Variants in FAM135A observed in about 807,000 individuals in gnomAD.
FAM135A encodes protein FAM135A.
Under a neutral mutation model 146.8 loss-of-function variants are expected in FAM135A, and 79 were observed. The ratio of observed to expected loss-of-function variants is 0.54; its 90% confidence interval spans 0.45 to 0.65. The LOEUF is 0.65. Ranked by LOEUF, FAM135A falls within the 30% of genes least tolerant of loss-of-function variation. FAM135A has a pLI of 0.00. For synonymous variants in FAM135A, 562 were observed against 603.6 expected (o/e 0.93, Z 1.01); for missense variants, 1,623 against 1,758.2 (o/e 0.92, Z 1.38).
At chr6:70,458,117 G>T (rs1192311473) in intron 5 of FAM135A, among the ~76,000 whole-genome samples, 2 of 139,786 alleles carry the variant, frequency 1.4e-5, no homozygotes, top group African/African-American at 3.0e-5. Context: ...TCTCACATAT[G>T]TGAAAATATT....
Position 70,549,712 on chromosome 6 carries a change from G to A in FAM135A, c.4229-7038G>A, listed in dbSNP as rs536840130. On this transcript the variant is annotated intron_variant, in intron 20 of 21. Transcript: ENST00000418814. ...TAATCATAATGTTTTTGCCAATCAGGGTGGTGGTTGCTGAAGATAGAGGTG... is the reference window on the plus strand; with the variant it reads ...TAATCATAATGTTTTTGCCAATCAGAGTGGTGGTTGCTGAAGATAGAGGTG... 1.4e-4 allele frequency among the ~76,000 whole-genome samples: 22 copies of A among 152,196 alleles called. No homozygotes were observed. In the South Asian group the frequency reaches 4.6e-3, roughly 32 times the overall value.
At chr6:70,490,482 T>A (rs1378491141) in intron 10 of FAM135A, among the ~76,000 whole-genome samples, 1 of 152,114 alleles carries the variant, frequency 6.6e-6, no homozygotes, top group East Asian at 1.9e-4. Flanking sequence ...TATGCAAATA[T>A]CTGCCTCAGT....
At chr6:70,453,987 C>G (rs1390024751) in intron 5 of FAM135A, among the ~76,000 whole-genome samples, 2 of 152,234 alleles carry the variant, frequency 1.3e-5, no homozygotes, top group Admixed American at 1.3e-4. Flanking sequence ...GGAATCACCA[C>G]AGTGTCTTCC....
intron 11 of FAM135A, among the ~76,000 whole-genome samples, chr6:70,496,099 C>T (rs906554698): frequency 2.0e-5 from 3 of 152,044 alleles, no homozygotes; most frequent in Non-Finnish European, 2.9e-5. Context: ...AATAAACATA[C>T]GTGTGCATGT....
At chr6:70,544,258 A>T (rs1455708375) in intron 20 of FAM135A, among the ~76,000 whole-genome samples, 1 of 152,016 alleles carries the variant, frequency 6.6e-6, no homozygotes, top group Non-Finnish European at 1.5e-5. Flanking sequence ...CAGCCTGGAC[A>T]CTGGGCATGG....
chr6:70,518,496 A>G (rs886423529), intron 12 of FAM135A, among the ~76,000 whole-genome samples: 3 of 152,212 alleles, frequency 2.0e-5, no homozygotes, highest in Non-Finnish European at 4.4e-5. Context: ...CAGGTTTTCA[A>G]TGGAGATAAA....
At position 70,482,167 on chromosome 6, in the gene FAM135A, T is replaced by C. The variant is rs531433480; in HGVS notation, c.823+13T>C. ...AAACTAGAACTGGGTATGTTAAAAG[T>C]AGCGAGACTTATTCTACAGTTCAAA... On this transcript the variant is annotated intron_variant, in intron 10 of 21. Coordinates refer to ENST00000418814, the MANE Select transcript of FAM135A (RefSeq NM_001162529.3). The C allele has an allele frequency of 1.0e-4, 165 of 1,612,178 alleles. 5 individuals carry two copies. In the South Asian group the frequency reaches 1.7e-3, roughly 16 times the overall value.
intron 12 of FAM135A, chr6:70,503,559 ACT>A: frequency 6.6e-6 from 1 of 152,254 alleles, no homozygotes; most frequent in Admixed American, 6.5e-5. Context: ...GAAGTAGAAC[ACT>A]CTCAATGCTA....
At chr6:70,440,796 T>C (rs975956974) in intron 4 of FAM135A, among the ~76,000 whole-genome samples, 1 of 152,090 alleles carries the variant, frequency 6.6e-6, no homozygotes. Flanking sequence ...GATCCTGAAA[T>C]AATGAAACAA....
chr6:70,558,411 A>C (rs2128517744), intron 21 of FAM135A, among the ~76,000 whole-genome samples: 1 of 152,330 alleles, frequency 6.6e-6, no homozygotes, highest in Non-Finnish European at 1.5e-5. Flanking sequence ...AGCATTGTAA[A>C]CAATGTTTTG....
chr6:70,542,717 C>G (rs1798164305), intron 20 of FAM135A, among the ~76,000 whole-genome samples: 1 of 152,130 alleles, frequency 6.6e-6, no homozygotes, highest in Non-Finnish European at 1.5e-5. Flanking sequence ...TAATGAATTT[C>G]AATCCTCATT....
intron 4 of FAM135A, among the ~76,000 whole-genome samples, chr6:70,446,487 C>T (rs1473695853): frequency 6.6e-6 from 1 of 152,220 alleles, no homozygotes; most frequent in Non-Finnish European, 1.5e-5. Flanking sequence ...AATCATTGTG[C>T]AGCACCTCTG....
chr6:70,516,363 T>A (rs1372917514), intron 12 of FAM135A, among the ~76,000 whole-genome samples: 1 of 152,070 alleles, frequency 6.6e-6, no homozygotes, highest in African/African-American at 2.4e-5. Context: ...CATCTGCCTG[T>A]AGAAGGAGCA....
intron 11 of FAM135A, among the ~76,000 whole-genome samples, 181 bp from the exon 12 acceptor site, chr6:70,502,455 G>A (rs1052178210): frequency 6.6e-6 from 1 of 151,228 alleles, no homozygotes; most frequent in Non-Finnish European, 1.5e-5. Flanking sequence ...TAACTATCAG[G>A]TAAGTAAAAA....
At chr6:70,467,689 C>T (rs946742867) in intron 5 of FAM135A, among the ~76,000 whole-genome samples, 1 of 151,702 alleles carries the variant, frequency 6.6e-6, no homozygotes, top group South Asian at 2.1e-4. Flanking sequence ...CTCTTATTCT[C>T]TCTCCCACTC....
chr6:70,535,762 A>T (rs76226752), intron 18 of FAM135A: 4,313 of 152,400 alleles, frequency 0.028, 148 homozygotes, highest in African/African-American at 0.08. Flanking sequence ...AAATGCATAT[A>T]TTTTACCTAT....
At chr6:70,428,019 T>G (rs918094031) in intron 3 of FAM135A, among the ~76,000 whole-genome samples, 1 of 152,206 alleles carries the variant, frequency 6.6e-6, no homozygotes, top group African/African-American at 2.4e-5. Flanking sequence ...TGAGTTTCTT[T>G]TAGCAATATG....
chr6:70,544,712 G>A (rs1272675527), intron 20 of FAM135A, among the ~76,000 whole-genome samples: 4 of 151,908 alleles, frequency 2.6e-5, no homozygotes, highest in East Asian at 1.9e-4. Context: ...CTACACTCCA[G>A]CGGGGGATAG....
intron 5 of FAM135A, among the ~76,000 whole-genome samples, chr6:70,459,961 G>T (rs537600456): frequency 9.1e-4 from 139 of 152,314 alleles, no homozygotes; most frequent in Non-Finnish European, 1.6e-3. Context: ...AACCTGGGAG[G>T]TGGAGGTTGC....
Sources: allele counts gnomAD v4.1 joint callset (sites outside exome capture counted in the v4.1 genomes callset), GRCh38; gene constraint gnomAD v4.1.1; transcripts MANE v1.5; gene names NCBI Gene and HGNC (gene_info 2026-07-23, HGNC 2026-07-21).